XYLT1: variants seen among roughly 807,000 people sequenced by gnomAD.
XYLT1 encodes the protein xylosyltransferase 1.
In XYLT1, 36 loss-of-function variants were observed where a neutral mutation model predicts 91.3. The ratio of observed to expected loss-of-function variants is 0.39; its 90% CI spans 0.30 to 0.52. XYLT1 has a LOEUF of 0.52. XYLT1 is among the 20% of genes least tolerant of loss of function. The pLI is 0.68. For missense variants in XYLT1, 1,242 were observed against 1,284.5 expected (o/e 0.97, Z 0.51); for synonymous variants, 588 against 532.0 (o/e 1.11, Z -1.45).
chr16:17,347,279 A>G (rs2141852533), intron 2 of XYLT1, among the ~76,000 whole-genome samples: 1 of 152,232 alleles, frequency 6.6e-6, no homozygotes, highest in East Asian at 1.9e-4. Flanking sequence ...TCTGGGGGCT[A>G]CCGGAAGGAG....
chr16:17,269,375 G>A (rs2033853539), intron 2 of XYLT1, among the ~76,000 whole-genome samples: 1 of 151,848 alleles, frequency 6.6e-6, no homozygotes, highest in Non-Finnish European at 1.5e-5. Context: ...GTAGAGACAG[G>A]ACCTTGCTAT....
chr16:17,216,884 C>A (rs566950217), intron 3 of XYLT1, among the ~76,000 whole-genome samples: 5 of 152,312 alleles, frequency 3.3e-5, no homozygotes, highest in African/African-American at 1.2e-4. Context: ...AAGCCTACTG[C>A]TAATGAAATC....
At chr16:17,334,711 G>T (rs981873145) in intron 2 of XYLT1, among the ~76,000 whole-genome samples, 1 of 151,952 alleles carries the variant, frequency 6.6e-6, no homozygotes, top group South Asian at 2.1e-4. Context: ...GTGAAATCCC[G>T]TCTCTACTAA....
At chr16:17,143,015 T>A (rs1440579917) in intron 6 of XYLT1, among the ~76,000 whole-genome samples, 1 of 152,150 alleles carries the variant, frequency 6.6e-6, no homozygotes, top group Admixed American at 6.5e-5. Context: ...AGTAACTATA[T>A]ACATATAATC....
intron 2 of XYLT1, among the ~76,000 whole-genome samples, chr16:17,303,247 G>A (rs981564815): frequency 2.0e-5 from 3 of 152,162 alleles, no homozygotes; most frequent in Non-Finnish European, 4.4e-5. Context: ...GACCAAATCT[G>A]GCCTGCAATC....
chr16:17,456,772 T>C (rs1278665691), intron 1 of XYLT1, among the ~76,000 whole-genome samples: 1 of 152,200 alleles, frequency 6.6e-6, no homozygotes, highest in Non-Finnish European at 1.5e-5. Flanking sequence ...AAATTCCAAG[T>C]CTTCTCTGTG....
intron 9 of XYLT1, among the ~76,000 whole-genome samples, chr16:17,128,509 GTCTC>G (rs912365178): frequency 5.3e-5 from 8 of 151,962 alleles, no homozygotes; most frequent in Admixed American, 3.9e-4. Flanking sequence ...CCTTTCATTC[GTCTC>G]TCTCTCTGTT....
intron 10 of XYLT1, 82 bp from the exon 11 acceptor site, chr16:17,118,061 T>G (rs2029909429): frequency 7.2e-7 from 1 of 1,388,108 alleles, no homozygotes; most frequent in Non-Finnish European, 9.8e-7. Flanking sequence ...TCCCCTTTGT[T>G]AGCTTTCATA....
chr16:17,463,899 G>A (rs1018789770), intron 1 of XYLT1, among the ~76,000 whole-genome samples: 2 of 152,210 alleles, frequency 1.3e-5, no homozygotes, highest in African/African-American at 4.8e-5. Context: ...TGGAATATTA[G>A]CCAGCTGTTA....
rs190584927 is a variant in XYLT1, at chr16:17,376,237, A to T, written c.364-18187T>A. On this transcript the variant is annotated intron_variant, in intron 1 of 11. Transcript: ENST00000261381. ...AACTTGAAAGGGAGCGTGTACTGGC[A>T]CCTAGAGGGTAGAGACAGGGATGGC... Among the ~76,000 whole-genome samples the T allele has an allele frequency of 2.6e-5, 4 of 152,306 alleles. No homozygotes were observed. In the East Asian group the frequency reaches 7.8e-4, roughly 30 times the overall value.
intron 1 of XYLT1, among the ~76,000 whole-genome samples, chr16:17,421,713 G>C (rs2036253369): frequency 1.3e-5 from 2 of 152,196 alleles, no homozygotes; most frequent in South Asian, 4.1e-4. Context: ...ACAACACATG[G>C]AGCCGAGACA....
chr16:17,225,273 A>C (rs2033043386), intron 3 of XYLT1, among the ~76,000 whole-genome samples: 1 of 152,010 alleles, frequency 6.6e-6, no homozygotes, highest in African/African-American at 2.4e-5. Context: ...CCCAGTCTCC[A>C]TGGGCCATGT....
intron 10 of XYLT1, among the ~76,000 whole-genome samples, chr16:17,123,988 T>TA (rs1415505498): frequency 6.6e-6 from 1 of 152,236 alleles, no homozygotes; most frequent in Admixed American, 6.5e-5. Flanking sequence ...GCATGGAGTA[T>TA]CTTTTTTCAC....
At chr16:17,145,687 A>G (rs1345084696) in intron 6 of XYLT1, among the ~76,000 whole-genome samples, 1 of 152,188 alleles carries the variant, frequency 6.6e-6, no homozygotes, top group African/African-American at 2.4e-5. Flanking sequence ...TTTTGAGATG[A>G]GATTCCTCAC....
chr16:17,191,375 C>T (rs2032307301), intron 5 of XYLT1, among the ~76,000 whole-genome samples: 1 of 152,206 alleles, frequency 6.6e-6, no homozygotes, highest in Non-Finnish European at 1.5e-5. Context: ...GATGCTTGGA[C>T]TTCCATACTG....
intron 1 of XYLT1, among the ~76,000 whole-genome samples, chr16:17,390,556 G>T (rs920480903): frequency 3.3e-5 from 5 of 152,214 alleles, no homozygotes; most frequent in Non-Finnish European, 5.9e-5. Context: ...AATTATGACA[G>T]TGAAAGAGGT....
intron 1 of XYLT1, among the ~76,000 whole-genome samples, chr16:17,420,342 A>G (rs2036236013): frequency 6.6e-6 from 1 of 152,238 alleles, no homozygotes; most frequent in Non-Finnish European, 1.5e-5. Context: ...GAAACGTGCT[A>G]CGCTAATTAT....
intron 2 of XYLT1, 110 bp downstream of exon 2, chr16:17,357,902 A>T (rs1281067861): frequency 2.5e-6 from 3 of 1,183,566 alleles, no homozygotes; most frequent in African/African-American, 1.5e-5. Flanking sequence ...TCCAAATGGG[A>T]CCAGGGGCAG....
At chr16:17,317,997 C>T (rs764529829) in intron 2 of XYLT1, among the ~76,000 whole-genome samples, 3 of 152,158 alleles carry the variant, frequency 2.0e-5, no homozygotes, top group Non-Finnish European at 2.9e-5. Flanking sequence ...CAGTCATTAC[C>T]CGTCTTGTCA....
Sources: gnomAD v4.1 joint callset for allele counts (sites outside exome capture counted in the v4.1 genomes callset) on GRCh38, gnomAD v4.1.1 for gene constraint, MANE v1.5 for transcripts, NCBI Gene and HGNC (gene_info 2026-07-23, HGNC 2026-07-21) for gene names.